Variants in B3GALT1 observed in about 807,000 individuals in gnomAD.
B3GALT1 encodes beta-1,3-galactosyltransferase 1, also known as UDP-Gal:betaGlcNAc beta 1,3-galactosyltransferase, polypeptide 1.
B3GALT1 carries 10 observed loss-of-function variants against 23.2 expected under a neutral mutation model. That is an observed-to-expected ratio of 0.43 (90% CI 0.27 to 0.73). The LOEUF (loss-of-function observed/expected upper bound fraction) is 0.73. Among genes scored for constraint, B3GALT1 ranks in the 30% least tolerant of loss-of-function variants. The pLI is 0.21. For synonymous variants in B3GALT1, 156 were observed against 141.5 expected, an observed-to-expected ratio of 1.10 and a Z score of -0.73; for missense variants, 299 against 405.4, an observed-to-expected ratio of 0.74 and a Z score of 2.25.
chr2:167,505,733 T>C (rs1011126863), intron 2 of B3GALT1, among the ~76,000 whole-genome samples: 1 of 152,114 alleles, frequency 6.6e-6, no homozygotes, highest in Admixed American at 6.5e-5. Context: ...GAAAAAAATC[T>C]AGACTCTTTC....
chr2:167,785,797 C>T (rs1574261537), intron 3 of B3GALT1, among the ~76,000 whole-genome samples: 1 of 152,288 alleles, frequency 6.6e-6, no homozygotes, highest in East Asian at 1.9e-4. Context: ...GTGGCTTCTC[C>T]TCTGGGAAGC....
intron 3 of B3GALT1, among the ~76,000 whole-genome samples, chr2:167,649,017 T>C (rs1045191636): frequency 1.3e-5 from 2 of 152,230 alleles, no homozygotes; most frequent in African/African-American, 4.8e-5. Flanking sequence ...TTGCTCAAAC[T>C]ATATAGTGTC....
At chr2:167,563,434 A>G (rs1684062389) in intron 2 of B3GALT1, among the ~76,000 whole-genome samples, 2 of 115,198 alleles carry the variant, frequency 1.7e-5, no homozygotes, top group African/African-American at 7.0e-5. Context: ...TCCCTCCCGG[A>G]CAGGGGCGGC....
At chr2:167,563,356 G>T (rs940992475) in intron 2 of B3GALT1, among the ~76,000 whole-genome samples, 2 of 144,382 alleles carry the variant, frequency 1.4e-5, no homozygotes, top group Non-Finnish European at 3.0e-5. Flanking sequence ...CGGGCGGGGG[G>T]CTGACTCCCC....
rs139353716 is a variant in B3GALT1 at position 167,567,812 on chromosome 2, A to G, written c.-410+77535A>G. 7.7e-4 allele frequency among the ~76,000 whole-genome samples: 117 copies of G among 152,252 alleles called. 1 individual carries two copies. In the East Asian group the frequency reaches 0.022, roughly 29 times the overall value. Reference sequence around the variant, plus strand: ...ACATCCCATGGGTTTAGACACATGTACAATGACGTATATTCACCATTATAG... The same window carrying G: ...ACATCCCATGGGTTTAGACACATGTGCAATGACGTATATTCACCATTATAG... On this transcript the variant is annotated intron_variant, in intron 2 of 4. Transcript: ENST00000392690.
intron 3 of B3GALT1, among the ~76,000 whole-genome samples, chr2:167,802,140 C>T (rs1292565284): frequency 6.6e-6 from 1 of 152,232 alleles, no homozygotes; most frequent in African/African-American, 2.4e-5. Context: ...AGCCACACTA[C>T]AAGTGATATT....
chr2:167,665,203 T>G (rs1217764817), intron 3 of B3GALT1, among the ~76,000 whole-genome samples: 10 of 148,936 alleles, frequency 6.7e-5, no homozygotes, highest in Admixed American at 6.6e-4. Flanking sequence ...AGGCCTTTTC[T>G]GCATCTATTG....
intron 2 of B3GALT1, among the ~76,000 whole-genome samples, chr2:167,586,020 A>G (rs958190412): frequency 6.6e-6 from 1 of 152,246 alleles, no homozygotes; most frequent in African/African-American, 2.4e-5. Flanking sequence ...AGGGCAGCAC[A>G]AGTCAAGTGT....
chr2:167,633,147 G>C (rs879285114), intron 2 of B3GALT1, among the ~76,000 whole-genome samples: 1 of 151,846 alleles, frequency 6.6e-6, no homozygotes, highest in Admixed American at 6.6e-5. Context: ...CCCCAATCTA[G>C]CAAGACTGGC....
At chr2:167,370,338 G>A (rs991739086) in intron 1 of B3GALT1, among the ~76,000 whole-genome samples, 11 of 151,798 alleles carry the variant, frequency 7.2e-5, no homozygotes, top group Non-Finnish European at 1.6e-4. Flanking sequence ...ACACCTAATG[G>A]CAATGTCTGC....
At chr2:167,596,874 G>A (rs1684782818) in intron 2 of B3GALT1, among the ~76,000 whole-genome samples, 1 of 152,128 alleles carries the variant, frequency 6.6e-6, no homozygotes, top group African/African-American at 2.4e-5. Context: ...GGCATAAGTA[G>A]AAATTTTTTG....
intron 1 of B3GALT1, among the ~76,000 whole-genome samples, chr2:167,405,936 A>T (rs1698266637): frequency 6.6e-6 from 1 of 152,192 alleles, no homozygotes; most frequent in African/African-American, 2.4e-5. Flanking sequence ...TGTAAACATG[A>T]TAGATGGGTA....
chr2:167,541,911 C>G (rs963757076), intron 2 of B3GALT1, among the ~76,000 whole-genome samples: 1 of 152,010 alleles, frequency 6.6e-6, no homozygotes, highest in Non-Finnish European at 1.5e-5. Flanking sequence ...AGCTTTTGGT[C>G]CTGAAGCTGC....
In B3GALT1 at chr2:167,326,729, G is replaced by A. The variant is rs139038574; in HGVS notation, c.-511+33395G>A. 1.2e-3 allele frequency among the ~76,000 whole-genome samples: 180 copies of A among 151,734 alleles called. 4 individuals are homozygous for A. The highest frequency in any genetic ancestry group is 4.1e-3 in the African/African-American group (169 of 41,316). ...TGTAGAGACACAGTTTCACTCTATC[G>A]CCCAGGCTGGAGTGCAATGGTATGA... On this transcript the variant is annotated intron_variant, in intron 1 of 4. Transcript: ENST00000392690.
intron 1 of B3GALT1, among the ~76,000 whole-genome samples, chr2:167,378,706 T>G (rs1188453506): frequency 6.6e-6 from 1 of 152,170 alleles, no homozygotes; most frequent in Non-Finnish European, 1.5e-5. Context: ...ATCTATTTCT[T>G]ATTTCATTTC....
rs1234874433 is a variant in B3GALT1, at chr2:167,860,058, G to C, written c.-229-8753G>C. The stretch of plus-strand genomic sequence containing the variant: ...GTGCTTATTTACAGCATAATTATAA[G>C]AGTGAGAAAAAGGGGAGGAGTTGGG... On this transcript the variant is annotated intron_variant, in intron 4 of 4. Transcript: ENST00000392690. Among the ~76,000 whole-genome samples the C allele has an allele frequency of 2.6e-5, 4 of 152,098 alleles. No individual in the cohort carries two copies. The East Asian group carries it at 7.7e-4, about 29-fold the overall frequency.
intron 3 of B3GALT1, among the ~76,000 whole-genome samples, chr2:167,808,778 C>G (rs191842078): frequency 5.1e-4 from 78 of 152,190 alleles, no homozygotes; most frequent in African/African-American, 1.7e-3. Context: ...TTGCTCTTCT[C>G]AAGGAGTCTC....
intron 4 of B3GALT1, among the ~76,000 whole-genome samples, chr2:167,865,448 T>C (rs1383956230): frequency 6.6e-6 from 1 of 151,630 alleles, no homozygotes; most frequent in African/African-American, 2.4e-5. Flanking sequence ...TTCTAAGAAA[T>C]AGAACTATGC....
At chr2:167,670,084 C>G (rs547983859) in intron 3 of B3GALT1, among the ~76,000 whole-genome samples, 3 of 152,172 alleles carry the variant, frequency 2.0e-5, no homozygotes, top group Non-Finnish European at 4.4e-5. Flanking sequence ...TTTCAGTACT[C>G]TGCATGTCTT....
Sources: allele counts gnomAD v4.1 joint callset (sites outside exome capture counted in the v4.1 genomes callset), GRCh38; gene constraint gnomAD v4.1.1; transcripts MANE v1.5; gene names NCBI Gene and HGNC (gene_info 2026-07-23, HGNC 2026-07-21).